Variants in HMGCLL1 observed in about 807,000 individuals in gnomAD.
HMGCLL1 encodes the protein 3-hydroxymethyl-3-methylglutaryl-CoA lyase, cytoplasmic.
HMGCLL1 carries 36 observed loss-of-function variants against 39.1 expected under a neutral mutation model. That is an observed-to-expected ratio of 0.92 (90% confidence interval 0.71 to 1.22). The LOEUF (loss-of-function observed/expected upper bound fraction) is 1.22. Ranked by LOEUF, HMGCLL1 falls within the 50% of genes most tolerant of loss-of-function variation. The pLI is 0.00. For missense variants in HMGCLL1, 451 were observed against 416.5 expected, an observed-to-expected ratio of 1.08 and a Z score of -0.72; for synonymous variants, 149 against 144.0, an observed-to-expected ratio of 1.03 and a Z score of -0.25.
chr6:55,557,855 A>G lies in HMGCLL1; in HGVS notation c.109-15715T>C, dbSNP rs137877894. Among the ~76,000 whole-genome samples, 132 of 152,332 alleles carry G rather than the reference A, an allele frequency of 8.7e-4. 1 individual carries two copies. Among genetic ancestry groups the G allele is most frequent in the Non-Finnish European group, 1.6e-3 (112 of 68,026 alleles). ...ACAGCTGGTGCCCGTACTGTACTTA[A>G]AAGTGCTTCATGTACTTGCAGGCTG... On this transcript the variant is annotated intron_variant, in intron 1 of 8. Transcript: ENST00000274901.
chr6:55,440,551 A>G (rs1763550753), intron 7 of HMGCLL1, among the ~76,000 whole-genome samples: 1 of 152,174 alleles, frequency 6.6e-6, no homozygotes, highest in African/African-American at 2.4e-5. Context: ...AGAAGAACAG[A>G]GGCAGGCATG....
chr6:55,616,740 A>G, the HMGCLL1 span, among the ~76,000 whole-genome samples: 1 of 152,132 alleles, frequency 6.6e-6, no homozygotes, highest in African/African-American at 2.4e-5. Context: ...TATGACTGAG[A>G]ACAAAACAAT....
chr6:55,583,732 A>C (rs1277648584), upstream of HMGCLL1, among the ~76,000 whole-genome samples: 1 of 152,086 alleles, frequency 6.6e-6, no homozygotes, highest in Admixed American at 6.6e-5. Context: ...GGAATCTTTC[A>C]TGGGTTATTG....
At chr6:55,446,979 A>G (rs1287605736) in intron 7 of HMGCLL1, among the ~76,000 whole-genome samples, 1 of 152,034 alleles carries the variant, frequency 6.6e-6, no homozygotes, top group East Asian at 1.9e-4. Context: ...AAATTTCTGA[A>G]AGTGAAAATT....
At chr6:55,672,749 A>C in the HMGCLL1 span, among the ~76,000 whole-genome samples, 2 of 151,972 alleles carry the variant, frequency 1.3e-5, no homozygotes, top group Non-Finnish European at 2.9e-5. Context: ...AATATATAGA[A>C]TCTACTCTTG....
At chr6:55,625,999 T>C in the HMGCLL1 span, among the ~76,000 whole-genome samples, 1 of 152,014 alleles carries the variant, frequency 6.6e-6, no homozygotes, top group African/African-American at 2.4e-5. Flanking sequence ...GGGATGGAGG[T>C]TATGCATGCA....
At chr6:55,469,066 C>A (rs1764915119) in intron 7 of HMGCLL1, among the ~76,000 whole-genome samples, 2 of 151,102 alleles carry the variant, frequency 1.3e-5, no homozygotes, top group South Asian at 4.2e-4. Context: ...TGAGTTTAAA[C>A]CCAGAGCTTT....
chr6:55,543,440 TATG>T (rs1260719258), intron 1 of HMGCLL1, among the ~76,000 whole-genome samples: 4 of 8,448 alleles, frequency 4.7e-4, no homozygotes, highest in African/African-American at 6.7e-4. Context: ...ATATATCATA[TATG>T]ATATATATGA....
intron 7 of HMGCLL1, among the ~76,000 whole-genome samples, chr6:55,480,930 T>G (rs1431547055): frequency 6.6e-6 from 1 of 152,034 alleles, no homozygotes; most frequent in Non-Finnish European, 1.5e-5. Context: ...AGCTAAAAAT[T>G]AAAACAATTG....
the HMGCLL1 span, among the ~76,000 whole-genome samples, chr6:55,608,544 G>T: frequency 0.057 from 8,619 of 152,118 alleles, 422 homozygotes; most frequent in Non-Finnish European, 0.08. Flanking sequence ...AGCCAAGAAG[G>T]CCAGTTAAAA....
At chr6:55,630,093 C>T in the HMGCLL1 span, among the ~76,000 whole-genome samples, 1 of 152,124 alleles carries the variant, frequency 6.6e-6, no homozygotes, top group African/African-American at 2.4e-5. Flanking sequence ...CACCATGCAC[C>T]TGGAAAAGCT....
chr6:55,443,092 A>T (rs996844228), intron 7 of HMGCLL1, among the ~76,000 whole-genome samples: 4 of 112,830 alleles, frequency 3.5e-5, no homozygotes, highest in African/African-American at 1.1e-4. Context: ...TCAAACCAGA[A>T]TCATCTCTGT....
At chr6:55,571,683 C>G (rs1233191144) in intron 1 of HMGCLL1, among the ~76,000 whole-genome samples, 1 of 151,956 alleles carries the variant, frequency 6.6e-6, no homozygotes, top group Non-Finnish European at 1.5e-5. Flanking sequence ...GTAGCGGGCA[C>G]CTGTAGTCCC....
At chr6:55,604,534 A>C in the HMGCLL1 span, among the ~76,000 whole-genome samples, 1 of 152,302 alleles carries the variant, frequency 6.6e-6, no homozygotes, top group African/African-American at 2.4e-5. Context: ...AGACAAAAGA[A>C]ATTTTTGAAA....
At chr6:55,444,896 C>G (rs563838592) in intron 7 of HMGCLL1, among the ~76,000 whole-genome samples, 1 of 151,912 alleles carries the variant, frequency 6.6e-6, no homozygotes, top group Non-Finnish European at 1.5e-5. Context: ...CATACTCTGG[C>G]GAAGGCAGAC....
At chr6:55,571,149 ATCCTT>A (rs1382894943) in intron 1 of HMGCLL1, among the ~76,000 whole-genome samples, 1 of 152,200 alleles carries the variant, frequency 6.6e-6, no homozygotes, top group Non-Finnish European at 1.5e-5. Flanking sequence ...TCAAATACCT[ATCCTT>A]TTAAGTTTCT....
chr6:55,636,350 T>G, the HMGCLL1 span, among the ~76,000 whole-genome samples: 1 of 152,164 alleles, frequency 6.6e-6, no homozygotes, highest in Non-Finnish European at 1.5e-5. Context: ...AACAGAACTT[T>G]GAAGGTTAAT....
chr6:55,457,571 G>GA (rs750511130), intron 7 of HMGCLL1, among the ~76,000 whole-genome samples: 55 of 152,110 alleles, frequency 3.6e-4, no homozygotes, highest in Non-Finnish European at 6.6e-4. Context: ...GTGAATTATA[G>GA]AAAAAGTTTG....
At chr6:55,440,641 A>G (rs1208517707) in intron 7 of HMGCLL1, among the ~76,000 whole-genome samples, 1 of 152,120 alleles carries the variant, frequency 6.6e-6, no homozygotes, top group Non-Finnish European at 1.5e-5. Context: ...CTTGGGCATT[A>G]AAGAAAAAGT....
Sources: gnomAD v4.1 joint callset for allele counts (sites outside exome capture counted in the v4.1 genomes callset) on GRCh38, gnomAD v4.1.1 for gene constraint, MANE v1.5 for transcripts, NCBI Gene and HGNC (gene_info 2026-07-23, HGNC 2026-07-21) for gene names.